CFAP20DC: variants seen among roughly 807,000 people sequenced by gnomAD.
CFAP20DC encodes CFAP20 domain containing.
In CFAP20DC, 84 loss-of-function variants were observed where a neutral mutation model predicts 101.7. The observed-to-expected ratio is 0.83, with a 90% CI of 0.69 to 0.99. The LOEUF is 0.99. Ranked by LOEUF, CFAP20DC falls within the 50% of genes least tolerant of loss-of-function variation. The pLI is 0.00. For missense variants in CFAP20DC, 1,007 were observed against 970.3 expected (o/e 1.04, Z -0.50); for synonymous variants, 359 against 351.2 (o/e 1.02, Z -0.25).
At chr3:58,889,641 G>T (rs914394148) in intron 6 of CFAP20DC, among the ~76,000 whole-genome samples, 3 of 145,152 alleles carry the variant, frequency 2.1e-5, no homozygotes, top group Admixed American at 1.4e-4. Context: ...TGGAGGGAAG[G>T]TCAGCAGATA....
At chr3:58,823,905 C>T (rs2075862413) in intron 14 of CFAP20DC, among the ~76,000 whole-genome samples, 1 of 151,990 alleles carries the variant, frequency 6.6e-6, no homozygotes. Flanking sequence ...TCAGTTTTGC[C>T]ACGTTACTAA....
At chr3:58,953,392 A>T (rs1256263389) in intron 4 of CFAP20DC, 2 of 152,208 alleles carry the variant, frequency 1.3e-5, no homozygotes, top group African/African-American at 2.4e-5. Context: ...AATAGTTCTC[A>T]GTTAAGTCTA....
intron 6 of CFAP20DC, among the ~76,000 whole-genome samples, chr3:58,891,385 G>A (rs1411414420): frequency 6.6e-6 from 1 of 151,602 alleles, no homozygotes; most frequent in South Asian, 2.1e-4. Context: ...CTTCGGCTCC[G>A]CATGAGAGGG....
At chr3:58,951,601 T>A (rs937051644) in intron 4 of CFAP20DC, among the ~76,000 whole-genome samples, 1 of 152,192 alleles carries the variant, frequency 6.6e-6, no homozygotes, top group Non-Finnish European at 1.5e-5. Context: ...GTTCATGTCA[T>A]TTGTAGGGAC....
At chr3:58,865,298 T>C (rs150262800) in intron 11 of CFAP20DC, among the ~76,000 whole-genome samples, 193 of 152,306 alleles carry the variant, frequency 1.3e-3, no homozygotes, top group African/African-American at 4.2e-3. Flanking sequence ...TAAAAATCTT[T>C]AATAAAAATA....
chr3:58,723,803 GC>G (rs1478417092), intron 3 of CFAP20DC, among the ~76,000 whole-genome samples: 1 of 152,180 alleles, frequency 6.6e-6, no homozygotes, highest in Non-Finnish European at 1.5e-5. Flanking sequence ...CTGGCATGTG[GC>G]ATATTCAATG....
chr3:58,940,532 C>T (rs2088393342), intron 4 of CFAP20DC, among the ~76,000 whole-genome samples: 1 of 152,198 alleles, frequency 6.6e-6, no homozygotes, highest in South Asian at 2.1e-4. Flanking sequence ...TGAAGACTCT[C>T]CTTTTTTCAC....
At chr3:58,754,860 A>G (rs993650686) in intron 15 of CFAP20DC, among the ~76,000 whole-genome samples, 2 of 152,194 alleles carry the variant, frequency 1.3e-5, no homozygotes, top group Admixed American at 6.5e-5. Context: ...GATAATAACA[A>G]AAGAGTTGAG....
At chr3:58,962,657 T>C (rs1048630607) in intron 4 of CFAP20DC, among the ~76,000 whole-genome samples, 1 of 152,194 alleles carries the variant, frequency 6.6e-6, no homozygotes, top group African/African-American at 2.4e-5. Flanking sequence ...CCCTTGCTGA[T>C]GGATCTATGC....
intron 13 of CFAP20DC, among the ~76,000 whole-genome samples, chr3:58,837,502 A>T (rs1175774461): frequency 3.9e-5 from 6 of 152,116 alleles, no homozygotes. Context: ...TGGGGTACTG[A>T]TCTTGCTCTT....
chr3:58,742,598 C>T lies in CFAP20DC; in HGVS notation c.2333-26G>A, dbSNP rs576777079. 33 of 1,556,946 alleles carry T rather than the reference C, an allele frequency of 2.1e-5. No individual in the cohort carries two copies. The African/African-American group carries it at 4.5e-4, about 21-fold the overall frequency. On this transcript the variant is annotated intron_variant, in intron 16 of 16. Coordinates refer to ENST00000482387, the MANE Select transcript of CFAP20DC (RefSeq NM_001394063.1). ...CTGTGGGGAAGGGGAACCACAGACA[C>T]ATTAGCTGTTGGCTTGGCCCGGAAT...
intron 15 of CFAP20DC, among the ~76,000 whole-genome samples, chr3:58,781,538 AAC>A (rs1489863127): frequency 6.6e-6 from 1 of 151,952 alleles, no homozygotes; most frequent in Admixed American, 6.6e-5. Flanking sequence ...AAAATTGATA[AAC>A]CACTTGCTAG....
chr3:58,855,816 C>G (rs2078737691), intron 12 of CFAP20DC, among the ~76,000 whole-genome samples: 1 of 124,960 alleles, frequency 8.0e-6, no homozygotes, highest in Non-Finnish European at 1.6e-5. Flanking sequence ...AGGGGAACAT[C>G]ACAGTCTGGG....
chr3:58,998,088 C>G (rs2108710086), intron 4 of CFAP20DC, among the ~76,000 whole-genome samples: 1 of 152,284 alleles, frequency 6.6e-6, no homozygotes, highest in African/African-American at 2.4e-5. Flanking sequence ...TAACCAAAGT[C>G]TTTGGACTTT....
chr3:58,989,684 A>T (rs2092872702), intron 4 of CFAP20DC, among the ~76,000 whole-genome samples: 2 of 152,174 alleles, frequency 1.3e-5, no homozygotes, highest in Admixed American at 1.3e-4. Flanking sequence ...ATACTTCACA[A>T]GCAGATGATT....
chr3:58,976,216 C>T (rs1307043075), intron 4 of CFAP20DC, among the ~76,000 whole-genome samples: 4 of 152,138 alleles, frequency 2.6e-5, no homozygotes, highest in Non-Finnish European at 5.9e-5. Context: ...TAAAGTTAAT[C>T]TTCAGTGATG....
chr3:58,778,753 C>G (rs900111770), intron 15 of CFAP20DC, among the ~76,000 whole-genome samples: 6 of 152,226 alleles, frequency 3.9e-5, no homozygotes, highest in African/African-American at 1.4e-4. Flanking sequence ...CTATTGAGGT[C>G]CGGAGACTGG....
rs934499926 is a variant in CFAP20DC at position 58,859,005 on chromosome 3, C to A, written c.1593+4553G>T. Among the ~76,000 whole-genome samples the A allele has an allele frequency of 6.6e-6, 1 of 152,094 alleles. No homozygotes were observed. The highest frequency in any genetic ancestry group is 2.4e-5 in the African/African-American group (1 of 41,422). ...GTATCTTAAAAGTTTTCATAACAACCATCCCAAGAAGTACTTGTGCTTCTA... is the reference window on the plus strand; with the variant it reads ...GTATCTTAAAAGTTTTCATAACAACAATCCCAAGAAGTACTTGTGCTTCTA... On this transcript the variant is annotated intron_variant, in intron 12 of 16. Coordinates refer to ENST00000482387, the MANE Select transcript of CFAP20DC (RefSeq NM_001394063.1). This position sits in a 1 kb window ranked among gnomAD's most constrained non-coding sequence, Gnocchi z 4.1.
intron 6 of CFAP20DC, among the ~76,000 whole-genome samples, chr3:58,908,416 A>G (rs2083816447): frequency 6.6e-6 from 1 of 152,148 alleles, no homozygotes; most frequent in Admixed American, 6.5e-5. Context: ...ATTCTTATTC[A>G]GTGTTTTACA....
Sources: gnomAD v4.1 joint callset for allele counts (sites outside exome capture counted in the v4.1 genomes callset) on GRCh38, gnomAD v4.1.1 for gene constraint, Gnocchi (gnomAD v3.1) non-coding constraint, MANE v1.5 for transcripts, NCBI Gene and HGNC (gene_info 2026-07-23, HGNC 2026-07-21) for gene names.